Variants in IPO11 observed in about 807,000 individuals in gnomAD.
IPO11 encodes importin 11.
A neutral mutation model predicts 143.2 loss-of-function variants in IPO11; 66 were observed. The observed-to-expected ratio is 0.46, with a 90% CI of 0.38 to 0.57. IPO11 has a LOEUF of 0.57. Ranked by LOEUF, IPO11 falls within the 20% of genes least tolerant of loss-of-function variation. IPO11 has a pLI of 0.00. For synonymous variants in IPO11, 385 were observed against 377.8 expected, an observed-to-expected ratio of 1.02 and a Z score of -0.22; for missense variants, 1,026 against 1,141.0, an observed-to-expected ratio of 0.90 and a Z score of 1.45.
chr5:62,427,308 T>C (rs1465926963), intron 1 of IPO11, among the ~76,000 whole-genome samples: 1 of 152,136 alleles, frequency 6.6e-6, no homozygotes, highest in African/African-American at 2.4e-5. Context: ...GTAGGTCCTT[T>C]GAAACTCTTG....
intron 2 of IPO11, among the ~76,000 whole-genome samples, chr5:62,440,997 A>G (rs564728606): frequency 7.2e-5 from 11 of 152,164 alleles, no homozygotes; most frequent in Middle Eastern, 6.8e-3. Flanking sequence ...TTTCTATAGC[A>G]AAGGACATAC....
intron 5 of IPO11, among the ~76,000 whole-genome samples, chr5:62,453,409 A>C (rs1745013602): frequency 6.6e-6 from 1 of 151,240 alleles, no homozygotes; most frequent in South Asian, 2.1e-4. Context: ...TCAGTGAAGA[A>C]TATGAAGCAT....
chr5:62,426,471 TGA>T (rs1425324388), intron 1 of IPO11, among the ~76,000 whole-genome samples: 1 of 152,186 alleles, frequency 6.6e-6, no homozygotes, highest in Non-Finnish European at 1.5e-5. Flanking sequence ...TGAAATTTCA[TGA>T]GAGTGCAGTT....
chr5:62,572,483 C>T (rs1458463280), intron 27 of IPO11, among the ~76,000 whole-genome samples: 1 of 152,062 alleles, frequency 6.6e-6, no homozygotes, highest in Admixed American at 6.6e-5. Flanking sequence ...GGACACAATA[C>T]CTTTAAACTA....
intron 20 of IPO11, among the ~76,000 whole-genome samples, chr5:62,518,577 G>T (rs529400048): frequency 6.6e-6 from 1 of 152,244 alleles, no homozygotes; most frequent in East Asian, 1.9e-4. Context: ...TCACACCCCT[G>T]CACTCTAGCC....
chr5:62,499,569 C>CGT (rs773008330), intron 16 of IPO11, among the ~76,000 whole-genome samples: 54 of 100,080 alleles, frequency 5.4e-4, no homozygotes, highest in African/African-American at 1.9e-3. Context: ...CTTACTCTAA[C>CGT]TTTTTTTTTT....
At chr5:62,438,364 T>C (rs989360831) in intron 2 of IPO11, among the ~76,000 whole-genome samples, 1 of 152,178 alleles carries the variant, frequency 6.6e-6, no homozygotes, top group Non-Finnish European at 1.5e-5. Flanking sequence ...AAAAAAAAGA[T>C]TGATTTTAAA....
At chr5:62,453,189 T>G (rs1745005222) in intron 5 of IPO11, among the ~76,000 whole-genome samples, 1 of 151,082 alleles carries the variant, frequency 6.6e-6, no homozygotes, top group South Asian at 2.1e-4. Context: ...AAATGTACTT[T>G]AAATATTGCT....
intron 24 of IPO11, among the ~76,000 whole-genome samples, chr5:62,545,332 AAAAC>A (rs1195587668): frequency 7.9e-5 from 12 of 152,332 alleles, no homozygotes; most frequent in Non-Finnish European, 1.5e-4. Context: ...AAACCTGACA[AAAAC>A]AAGCAATGGG....
intron 5 of IPO11, among the ~76,000 whole-genome samples, chr5:62,464,870 CATT>C (rs1226039239): frequency 6.6e-6 from 1 of 152,160 alleles, no homozygotes; most frequent in African/African-American, 2.4e-5. Context: ...TCTATACAGA[CATT>C]AATGTTAACA....
chr5:62,479,384 G>A (rs200785681), intron 9 of IPO11, among the ~76,000 whole-genome samples: 26 of 152,262 alleles, frequency 1.7e-4, no homozygotes, highest in Middle Eastern at 6.8e-3. Context: ...TGTGAATAGC[G>A]CCACAATAAA....
intron 13 of IPO11, among the ~76,000 whole-genome samples, chr5:62,488,733 T>C (rs1308465234): frequency 6.6e-6 from 1 of 152,172 alleles, no homozygotes; most frequent in Non-Finnish European, 1.5e-5. Context: ...CCAGGCATGG[T>C]GACTCACGCC....
intron 16 of IPO11, among the ~76,000 whole-genome samples, chr5:62,501,232 C>A (rs1044898151): frequency 4.0e-5 from 6 of 151,262 alleles, no homozygotes; most frequent in African/African-American, 1.5e-4. Flanking sequence ...ATTTTTTTTT[C>A]TATTTACCTA....
intron 29 of IPO11, 21 bp from the exon 30 acceptor site, chr5:62,627,133 G>A (rs1357186192): frequency 3.1e-6 from 5 of 1,604,064 alleles, no homozygotes; most frequent in Non-Finnish European, 8.5e-7. Flanking sequence ...TGACAGTCTT[G>A]CTCCTCTCTG....
chr5:62,530,365 A>C (rs1742503872), intron 21 of IPO11, among the ~76,000 whole-genome samples: 1 of 152,116 alleles, frequency 6.6e-6, no homozygotes, highest in Non-Finnish European at 1.5e-5. Flanking sequence ...CCCTCCATGT[A>C]CTTTGGTTTT....
chr5:62,418,496 T>C (rs942859829), intron 1 of IPO11, among the ~76,000 whole-genome samples: 2 of 152,212 alleles, frequency 1.3e-5, no homozygotes, highest in Admixed American at 1.3e-4. Context: ...TCCAGTACAG[T>C]AAGCTATTAA....
At chr5:62,502,668 T>G (rs142290661) in intron 16 of IPO11, among the ~76,000 whole-genome samples, 145 of 152,340 alleles carry the variant, frequency 9.5e-4, no homozygotes, top group African/African-American at 3.4e-3. Context: ...GGTGTCTTGT[T>G]TCATTTACTT....
chr5:62,485,393 T>C (rs1746362282), intron 11 of IPO11, 26 bp from the exon 12 acceptor site: 1 of 1,572,200 alleles, frequency 6.4e-7, no homozygotes, highest in Non-Finnish European at 8.7e-7. Context: ...GTTGAAAATG[T>C]CATTATTACA....
chr5:62,579,974 T>TG (rs769473235), intron 27 of IPO11: 27 of 1,551,332 alleles, frequency 1.7e-5, no homozygotes, highest in Non-Finnish European at 1.7e-5. Flanking sequence ...TTTGTTGGTA[T>TG]GGTTGCTCTT....
Sources: allele counts gnomAD v4.1 joint callset (sites outside exome capture counted in the v4.1 genomes callset), GRCh38; gene constraint gnomAD v4.1.1; transcripts MANE v1.5; gene names NCBI Gene and HGNC (gene_info 2026-07-23, HGNC 2026-07-21).